Variants in FAM13A observed in about 807,000 individuals in gnomAD.
The protein encoded by FAM13A is family with sequence similarity 13 member A, also known as protein FAM13A.
A neutral mutation model predicts 129.6 loss-of-function variants in FAM13A; 76 were observed. The ratio of observed to expected loss-of-function variants is 0.59; its 90% CI spans 0.49 to 0.71. The LOEUF (loss-of-function observed/expected upper bound fraction) is 0.71. FAM13A is among the 30% of genes least tolerant of loss of function. FAM13A has a pLI of 0.00. For synonymous variants in FAM13A, 443 were observed against 449.9 expected (o/e 0.98, Z 0.20); for missense variants, 1,108 against 1,249.3 (o/e 0.89, Z 1.70).
intron 3 of FAM13A, among the ~76,000 whole-genome samples, chr4:89,006,921 C>T (rs932312956): frequency 2.0e-5 from 3 of 152,256 alleles, no homozygotes; most frequent in Middle Eastern, 3.4e-3. Context: ...CTTCTCCTCT[C>T]GACATTCAAC....
chr4:88,980,811 T>C (rs1472411904), intron 4 of FAM13A, among the ~76,000 whole-genome samples: 1 of 152,226 alleles, frequency 6.6e-6, no homozygotes, highest in African/African-American at 2.4e-5. Flanking sequence ...AGCAACATTA[T>C]AATATCTGGT....
intron 5 of FAM13A, among the ~76,000 whole-genome samples, chr4:88,932,367 T>C (rs764047947): frequency 8.5e-5 from 13 of 152,198 alleles, no homozygotes; most frequent in Non-Finnish European, 1.3e-4. Context: ...TTTGGCACAA[T>C]GTCTAGCATA....
chr4:88,912,662 A>G (rs1158249898), intron 5 of FAM13A, among the ~76,000 whole-genome samples: 1 of 151,868 alleles, frequency 6.6e-6, no homozygotes, highest in Non-Finnish European at 1.5e-5. Context: ...ACATTTTCCT[A>G]CTCACCCAGA....
chr4:88,922,235 C>A (rs1751242645), intron 5 of FAM13A, among the ~76,000 whole-genome samples: 1 of 152,102 alleles, frequency 6.6e-6, no homozygotes, highest in Non-Finnish European at 1.5e-5. Context: ...CACCCCACAT[C>A]AGCAGAATAT....
rs550383671 is a variant in FAM13A at position 88,917,414 on chromosome 4, A to G, written c.760-10952T>C. On this transcript the variant is annotated intron_variant, in intron 5 of 23. Transcript: ENST00000264344. The stretch of plus-strand genomic sequence containing the variant: ...ACCCAAACACCCCCCATTAGGTCCC[A>G]CCTCCAACGCTGAGGACCAAGTATC... Among the ~76,000 whole-genome samples the G allele has an allele frequency of 2.0e-5, 3 of 152,160 alleles. No individual in the cohort carries two copies. In the South Asian group the frequency reaches 6.2e-4, roughly 32 times the overall value.
intron 13 of FAM13A, chr4:88,759,145 G>C: frequency 6.9e-6 from 3 of 433,554 alleles, no homozygotes; most frequent in Non-Finnish European, 1.3e-5. Flanking sequence ...ACTGCAGGCA[G>C]CTGACAGTCT....
chr4:88,844,431 G>A (rs557746807), intron 7 of FAM13A, among the ~76,000 whole-genome samples: 3 of 152,212 alleles, frequency 2.0e-5, no homozygotes, highest in Admixed American at 6.5e-5. Context: ...CTTCATCCAA[G>A]GTCATTTTGC....
chr4:89,043,946 CA>C, intron 1 of FAM13A, among the ~76,000 whole-genome samples: 1 of 151,798 alleles, frequency 6.6e-6, no homozygotes, highest in Admixed American at 6.6e-5. Flanking sequence ...ATAAGCAAGC[CA>C]GCAAGCTGGG....
chr4:88,984,923 A>G (rs528606789), intron 4 of FAM13A, among the ~76,000 whole-genome samples: 2 of 152,296 alleles, frequency 1.3e-5, no homozygotes, highest in African/African-American at 4.8e-5. Flanking sequence ...AGACCCAACA[A>G]TTCTACTCCT....
intron 4 of FAM13A, among the ~76,000 whole-genome samples, chr4:88,943,578 T>C (rs796312215): frequency 3.3e-5 from 5 of 152,352 alleles, no homozygotes; most frequent in African/African-American, 1.2e-4. Context: ...TTCTGATGCC[T>C]TTCTAAAAGC....
intron 6 of FAM13A, among the ~76,000 whole-genome samples, chr4:88,868,189 A>T (rs556288366): frequency 3.3e-5 from 5 of 152,298 alleles, no homozygotes; most frequent in African/African-American, 1.2e-4. Flanking sequence ...TACCCAAACA[A>T]AAATTTTTCA....
intron 3 of FAM13A, among the ~76,000 whole-genome samples, chr4:89,003,581 T>A (rs1764581886): frequency 6.6e-6 from 1 of 151,434 alleles, no homozygotes; most frequent in Non-Finnish European, 1.5e-5. Context: ...TGCAGTGAGC[T>A]GGAATCCCAC....
chr4:88,917,290 C>T (rs1253980299), intron 5 of FAM13A, among the ~76,000 whole-genome samples: 1 of 152,150 alleles, frequency 6.6e-6, no homozygotes, highest in Non-Finnish European at 1.5e-5. Context: ...AGGTGCCAGG[C>T]TCTTTTTAAT....
chr4:88,893,953 A>T (rs987587052), intron 6 of FAM13A, among the ~76,000 whole-genome samples: 5 of 152,340 alleles, frequency 3.3e-5, no homozygotes, highest in African/African-American at 1.2e-4. Flanking sequence ...GCTGGGAAAC[A>T]CATGGATATT....
At chr4:88,815,234 AC>A (rs760029788) in intron 7 of FAM13A, among the ~76,000 whole-genome samples, 6 of 151,354 alleles carry the variant, frequency 4.0e-5, no homozygotes, top group African/African-American at 7.3e-5. Flanking sequence ...GTCTTAAACC[AC>A]CCCCCCACCT....
chr4:88,852,520 T>G (rs748221991), intron 6 of FAM13A, among the ~76,000 whole-genome samples: 1 of 152,134 alleles, frequency 6.6e-6, no homozygotes, highest in African/African-American at 2.4e-5. Context: ...CACTACCACA[T>G]AGTCTACCCT....
At chr4:88,850,533 G>C (rs1328390241) in intron 7 of FAM13A, among the ~76,000 whole-genome samples, 1 of 152,064 alleles carries the variant, frequency 6.6e-6, no homozygotes, top group East Asian at 1.9e-4. Context: ...CTCCAGCCTG[G>C]GCAACACAGC....
intron 5 of FAM13A, among the ~76,000 whole-genome samples, chr4:88,933,560 C>A (rs1047015922): frequency 6.6e-6 from 1 of 152,084 alleles, no homozygotes; most frequent in East Asian, 1.9e-4. Flanking sequence ...TAATGCAAAC[C>A]TCCTATTTCC....
intron 1 of FAM13A, among the ~76,000 whole-genome samples, chr4:89,031,066 T>C (rs1768617501): frequency 6.6e-6 from 1 of 152,166 alleles, no homozygotes; most frequent in Non-Finnish European, 1.5e-5. Flanking sequence ...TGGAGTAGTA[T>C]AGCAGTATGG....
Sources: gnomAD v4.1 joint callset for allele counts (sites outside exome capture counted in the v4.1 genomes callset) on GRCh38, gnomAD v4.1.1 for gene constraint, MANE v1.5 for transcripts, NCBI Gene and HGNC (gene_info 2026-07-23, HGNC 2026-07-21) for gene names.